The following FES variants were observed in gnomAD, a reference collection of about 807,000 sequenced individuals.
The protein encoded by FES is tyrosine-protein kinase Fes/Fps.
A neutral mutation model predicts 109.6 loss-of-function variants in FES; 83 were observed. The ratio of observed to expected loss-of-function variants is 0.76; its 90% CI spans 0.63 to 0.91. The LOEUF is 0.91. Among genes scored for constraint, FES ranks in the 40% least tolerant of loss-of-function variants. The probability of loss-of-function intolerance (pLI) is 0.00; values close to 1 mark genes in which losing one functional copy is unlikely to be tolerated. For missense variants in FES, 943 were observed against 1,070.9 expected (o/e 0.88, Z 1.67); for synonymous variants, 458 against 442.1 (o/e 1.04, Z -0.45).
Position 90,893,373 on chromosome 15 carries a change from T to C in FES, c.2004T>C (p.Ala668=). 6.4e-7 allele frequency: 1 copy of C among 1,562,594 alleles called. No homozygotes were observed. The highest frequency in any genetic ancestry group is 8.7e-7 in the Non-Finnish European group (1 of 1,154,810). The change falls in exon 16 of 19, where the codon GCT becomes GCC. Residue 668 remains alanine, a synonymous_variant. Transcript: ENST00000328850. ...TGCTGCAGATGGTGGGGGATGCAGC[T>C]GCTGGCATGGAGTACCTGGAGAGCA... ...KTLLQMVGDA[A]AGMEYLESKC...
Position 90,890,970 on chromosome 15 carries a change from T to A in FES, c.1321-12T>A. The A allele has an allele frequency of 6.4e-7, 1 of 1,570,250 alleles. No individual in the cohort carries two copies. Among genetic ancestry groups the A allele is most frequent in the Non-Finnish European group, 8.6e-7 (1 of 1,157,980 alleles). On this transcript the variant is annotated splice_polypyrimidine_tract_variant and intron_variant, in intron 10 of 18. Transcript: ENST00000328850. Reference sequence around the variant, plus strand: ...TGGTTAAGTGACTCCTCCTCGATCCTCCCTTGCCCAGCTCCCTCCACCGCT... The same window carrying A: ...TGGTTAAGTGACTCCTCCTCGATCCACCCTTGCCCAGCTCCCTCCACCGCT...
At chr15:90,885,385 C>T (rs1023471272) in intron 2 of FES, 27 bp from the exon 3 acceptor site, 1 of 1,600,336 alleles carries the variant, frequency 6.2e-7, no homozygotes, top group East Asian at 2.2e-5. Context: ...TGCCCCCCTC[C>T]CTGCCTCCCC....
chr15:90,889,822 C>T lies in FES; in HGVS notation c.927-18C>T. ...GCAGGAGGGCTCGGTTCTAATGCTG[C>T]CCTTCTCTTGGGTGCAGGCTGACCT... On this transcript the variant is annotated intron_variant, in intron 7 of 18. Transcript: ENST00000328850. This position sits in a 1 kb window ranked among gnomAD's most constrained non-coding sequence, Gnocchi z 6.1. The T allele has an allele frequency of 6.2e-7, 1 of 1,613,452 alleles. No individual in the cohort carries two copies. The highest frequency in any genetic ancestry group is 8.5e-7 in the Non-Finnish European group (1 of 1,179,826).
intron 2 of FES, 39 bp from the exon 3 acceptor site, chr15:90,885,373 T>G (rs1350668373): frequency 6.3e-7 from 1 of 1,598,100 alleles, no homozygotes; most frequent in South Asian, 1.1e-5. Flanking sequence ...TGGGAGCCAT[T>G]GTGCCCCCCT....
In FES at chr15:90,885,866, G is replaced by A. The variant is rs1027297784; in HGVS notation, c.387+281G>A. ...TGGGAGAAGCTCAGAATCGGTACTC[G>A]CCTCCACACTGTGCCATCTGGCTCT... is the stretch of plus-strand genomic sequence containing the variant. On this transcript the variant is annotated intron_variant, in intron 3 of 18. Coordinates refer to ENST00000328850, the MANE Select transcript of FES (RefSeq NM_002005.4). Among the ~76,000 whole-genome samples the A allele has an allele frequency of 2.6e-5, 4 of 152,170 alleles. No individual in the cohort carries two copies. The South Asian group carries it at 6.2e-4, about 24-fold the overall frequency.
In FES at chr15:90,893,193, G is replaced by C. The variant is rs756218589; in HGVS notation, c.1920G>C (p.Gln640His). ...QPIYIVMELV[Q>H]GGDFLTFLRT... ...TCTACATCGTCATGGAGCTTGTGCAGGGTGAGCGCGGGGCGCTGAGCTCCA... is the reference window on the plus strand; with the variant it reads ...TCTACATCGTCATGGAGCTTGTGCACGGTGAGCGCGGGGCGCTGAGCTCCA... The change falls in exon 15 of 19, where the codon CAG becomes CAC. Residue 640 changes from glutamine (Q) to histidine (H), a missense_variant and splice_region_variant. Physicochemically the swap from Gln to His is conservative, Grantham distance 24. Transcript: ENST00000328850. The C allele has an allele frequency of 6.2e-7, 1 of 1,613,814 alleles. No individual in the cohort carries two copies. Among genetic ancestry groups the C allele is most frequent in the South Asian group, 1.1e-5 (1 of 91,060 alleles).
intron 4 of FES, 24 bp downstream of exon 4, chr15:90,887,081 G>A (rs751802734): frequency 1.2e-6 from 2 of 1,613,764 alleles, no homozygotes; most frequent in South Asian, 1.1e-5. Flanking sequence ...CTTGCTGGCA[G>A]GGAGGGAATC....
chr15:90,888,372 G>A (rs2032863674), intron 5 of FES, among the ~76,000 whole-genome samples: 1 of 152,240 alleles, frequency 6.6e-6, no homozygotes, highest in Non-Finnish European at 1.5e-5. Flanking sequence ...CTCCCAAAGT[G>A]CCGGGATTAC....
At position 90,891,637 on chromosome 15, in the gene FES, C is replaced by T; in HGVS notation, c.1614C>T (p.Thr538=). The T allele has an allele frequency of 6.2e-7, 1 of 1,613,976 alleles. No homozygotes were observed. The highest frequency in any genetic ancestry group is 8.5e-7 in the Non-Finnish European group (1 of 1,180,004). Residue 538 remains threonine, a synonymous_variant, in exon 12 of 19, where the codon ACC becomes ACT. Coordinates refer to ENST00000328850, the MANE Select transcript of FES (RefSeq NM_002005.4). The part of the protein sequence containing the change: ...DHLLSTQQPL[T]KKSGVVLHRA... The stretch of plus-strand genomic sequence containing the variant: ...TACTGAGCACCCAGCAGCCCCTCAC[C>T]AAGAAGAGTGGTGTTGTCCTGCACA...
rs539107464 is a variant in FES at position 90,893,434 on chromosome 15, G to A, written c.2045+20G>A. On this transcript the variant is annotated intron_variant, in intron 16 of 18. Transcript: ENST00000328850. ...CCACCGGTGAGTGGGCGGTGGCCAC[G>A]GGCCCTGCCAACACCCCCGACCAGA... is the stretch of plus-strand genomic sequence containing the variant. 9 of 1,526,960 alleles carry A rather than the reference G, an allele frequency of 5.9e-6. No homozygotes were observed. The highest frequency in any genetic ancestry group is 2.3e-5 in the East Asian group (1 of 44,244). 94.6% of individuals were successfully genotyped at this position (1,526,960 alleles called of 1,614,324 possible).
In FES at chr15:90,889,949, C is replaced by A; in HGVS notation, c.1036C>A (p.His346Asn). Residue 346 changes from histidine (H) to asparagine (N), a missense_variant, in exon 8 of 19, where the codon CAC becomes AAC. His to Asn is a moderately conservative substitution (Grantham distance 68). Coordinates refer to ENST00000328850, the MANE Select transcript of FES (RefSeq NM_002005.4). This position sits in a 1 kb window ranked among gnomAD's most constrained non-coding sequence, Gnocchi z 6.1. ...QELRNEEENTHPRERVQLLGK... is the reference protein window; with the variant it reads ...QELRNEEENTNPRERVQLLGK... ...GCTCCGGAATGAAGAGGAGAACACC[C>A]ACCCCCGGGAGCGGTGAGTGGGCCC... is the stretch of plus-strand genomic sequence containing the variant. 1.2e-6 allele frequency: 2 copies of A among 1,613,276 alleles called. No homozygotes were observed. Among genetic ancestry groups the A allele is most frequent in the Non-Finnish European group, 1.7e-6 (2 of 1,179,930 alleles).
At chr15:90,892,263 C>A in intron 13 of FES, 152 bp downstream of exon 13, 1 of 806,464 alleles carries the variant, frequency 1.2e-6, no homozygotes, top group East Asian at 2.6e-5. Flanking sequence ...ACACCATCCT[C>A]CAGGAAACGG....
rs775554967 is a variant in FES at position 90,887,311 on chromosome 15, C to T, written c.609C>T (p.Leu203=). 1.2e-6 allele frequency: 2 copies of T among 1,613,100 alleles called. No homozygotes were observed. Among genetic ancestry groups the T allele is most frequent in the African/African-American group, 1.3e-5 (1 of 74,948 alleles). The part of the protein sequence containing the change: ...AQLHHQHHHQ[L]LLPGLLRSLQ... The stretch of plus-strand genomic sequence containing the variant: ...TACACCACCAGCACCACCACCAGCT[C>T]CTGCTGCCCGGCCTGCTGCGGTCAC... Residue 203 remains leucine (L), a synonymous_variant, in exon 5 of 19, where the codon CTC becomes CTT. Transcript: ENST00000328850.
rs150106788 is a variant in FES at position 90,892,737 on chromosome 15, C to T, written c.1738C>T (p.Leu580=). 12 of 1,612,804 alleles carry T rather than the reference C, an allele frequency of 7.4e-6. No homozygotes were observed. Among genetic ancestry groups the T allele is most frequent in the Non-Finnish European group, 1.0e-5 (12 of 1,179,682 alleles). The change falls in exon 14 of 19, where the codon CTG becomes TTG. Residue 580 remains leucine (L), a synonymous_variant. Coordinates refer to ENST00000328850, the MANE Select transcript of FES (RefSeq NM_002005.4). The part of the protein sequence containing the change: ...GNFGEVFSGR[L]RADNTLVAVK... Reference sequence around the variant, plus strand: ...CTTTGGCGAAGTGTTCAGCGGACGCCTGCGAGCCGACAACACCCTGGTGGC... The same window carrying T: ...CTTTGGCGAAGTGTTCAGCGGACGCTTGCGAGCCGACAACACCCTGGTGGC...
intron 11 of FES, 24 bp downstream of exon 11, chr15:90,891,215 C>T: frequency 6.5e-7 from 1 of 1,546,684 alleles, no homozygotes; most frequent in Non-Finnish European, 8.7e-7. Flanking sequence ...GGACCCGAGC[C>T]TTCCAGGCCT....
Position 90,889,478 on chromosome 15 carries a change from C to T in FES, c.806+35C>T, listed in dbSNP as rs995715497. On this transcript the variant is annotated intron_variant, in intron 6 of 18. Transcript: ENST00000328850. The surrounding 1 kb of genome is among the most constrained non-coding windows in gnomAD (Gnocchi z 6.1). ...GTCCTTGCTCCTGCTGGGCCCAGGGCTGCTGGCCTGTCCACTGACGGGGCG... is the reference window on the plus strand; with the variant it reads ...GTCCTTGCTCCTGCTGGGCCCAGGGTTGCTGGCCTGTCCACTGACGGGGCG... 7 of 1,613,920 alleles carry T rather than the reference C, an allele frequency of 4.3e-6. No individual in the cohort carries two copies. Among genetic ancestry groups the T allele is most frequent in the Non-Finnish European group, 5.9e-6 (7 of 1,180,020 alleles).
At position 90,893,923 on chromosome 15, in the gene FES, G is replaced by A. The variant is rs775141771; in HGVS notation, c.2204-13G>A. 15 of 1,613,196 alleles carry A rather than the reference G, an allele frequency of 9.3e-6. No individual in the cohort carries two copies. In the South Asian group the frequency reaches 1.3e-4, roughly 14 times the overall value. On this transcript the variant is annotated splice_polypyrimidine_tract_variant and intron_variant, in intron 17 of 18. Transcript: ENST00000328850. Reference sequence around the variant, plus strand: ...TGCACTCACGCTGCCTCACCTCCTCGCCTCCTCTGCAGGCCGCTACTCCTC... The same window carrying A: ...TGCACTCACGCTGCCTCACCTCCTCACCTCCTCTGCAGGCCGCTACTCCTC...
Position 90,890,222 on chromosome 15 carries a change from G to A in FES, c.1180G>A (p.Gly394Ser), listed in dbSNP as rs777191188. Reference sequence around the variant, plus strand: ...GACCAAGCTGGAGCACCTGGGCCCCGGCGAGCCCCCGCCTGTGCTGCTCCT... The same window carrying A: ...GACCAAGCTGGAGCACCTGGGCCCCAGCGAGCCCCCGCCTGTGCTGCTCCT... ...LQTKLEHLGP[G>S]EPPPVLLLQD... Residue 394 changes from glycine to serine, a missense_variant, in exon 9 of 19, where the codon GGC becomes AGC. Physicochemically the swap from Gly to Ser is moderately conservative, Grantham distance 56 (BLOSUM62 0). Transcript: ENST00000328850. 17 of 1,600,286 alleles carry A rather than the reference G, an allele frequency of 1.1e-5. No homozygotes were observed. Among genetic ancestry groups the A allele is most frequent in the Admixed American group, 3.3e-5 (2 of 59,834 alleles).
In FES at chr15:90,893,641, C is replaced by A; in HGVS notation, c.2046-13C>A. ...ACTGTTGGCCAAATGAGCCCCTGCC[C>A]TGTCTCACCCAGGGACCTGGCTGCT... On this transcript the variant is annotated splice_polypyrimidine_tract_variant and intron_variant, in intron 16 of 18. Transcript: ENST00000328850. 2 of 1,565,754 alleles carry A rather than the reference C, an allele frequency of 1.3e-6. No homozygotes were observed. Among genetic ancestry groups the A allele is most frequent in the Non-Finnish European group, 1.7e-6 (2 of 1,154,698 alleles).
Sources: gnomAD v4.1 joint callset for allele counts (sites outside exome capture counted in the v4.1 genomes callset) on GRCh38, gnomAD v4.1.1 for gene constraint, Gnocchi (gnomAD v3.1) non-coding constraint, MANE v1.5 for transcripts, NCBI Gene and HGNC (gene_info 2026-07-23, HGNC 2026-07-21) for gene names.